BEND6: variants seen among roughly 807,000 people sequenced by gnomAD.
The protein encoded by BEND6 is BEN domain containing 6.
In BEND6, 24 loss-of-function variants were observed where a neutral mutation model predicts 31.8. The observed-to-expected ratio is 0.75, with a 90% CI of 0.55 to 1.06. The LOEUF (loss-of-function observed/expected upper bound fraction) is 1.06. Among genes scored for constraint, BEND6 ranks in the 50% least tolerant of loss-of-function variants. The pLI is 0.00. For synonymous variants in BEND6, 109 were observed against 114.6 expected (o/e 0.95, Z 0.31); for missense variants, 294 against 327.4 (o/e 0.90, Z 0.79).
chr6:57,024,344 A>G (rs1827839860), intron 6 of BEND6, among the ~76,000 whole-genome samples: 1 of 152,282 alleles, frequency 6.6e-6, no homozygotes, highest in South Asian at 2.1e-4. Context: ...GCACATTAGC[A>G]TTTTTGTCTT....
intron 3 of BEND6, among the ~76,000 whole-genome samples, chr6:57,007,700 C>G (rs926363907): frequency 6.6e-6 from 1 of 151,994 alleles, no homozygotes; most frequent in East Asian, 1.9e-4. Context: ...GAGGCTGAGG[C>G]GGGAAGATAG....
intron 1 of BEND6, among the ~76,000 whole-genome samples, chr6:56,973,151 T>C (rs1156468824): frequency 6.6e-6 from 1 of 152,196 alleles, no homozygotes; most frequent in East Asian, 1.9e-4. Context: ...AGACAATCTT[T>C]TCTTTTGACT....
At chr6:56,977,980 T>C (rs1825945101) in intron 1 of BEND6, among the ~76,000 whole-genome samples, 1 of 151,284 alleles carries the variant, frequency 6.6e-6, no homozygotes, top group Non-Finnish European at 1.5e-5. Flanking sequence ...GGGTGTACAA[T>C]TCAACCAAGT....
chr6:56,983,876 G>T (rs1826154373), intron 2 of BEND6, among the ~76,000 whole-genome samples: 1 of 152,000 alleles, frequency 6.6e-6, no homozygotes, highest in Admixed American at 6.6e-5. Context: ...CCAGCATCTT[G>T]CTACCACAAA....
In BEND6 at chr6:57,018,419, A is replaced by C; in HGVS notation, c.713-2A>C. On this transcript the variant is annotated splice_acceptor_variant, in intron 5 of 6. Coordinates refer to ENST00000370746, the MANE Select transcript of BEND6 (RefSeq NM_152731.3). LOFTEE classifies it high-confidence loss of function. ...TCATGTGTCGCTATTGGTTTTTTACAGGAGTAACAAAACAATTATTTCCCA... is the reference window on the plus strand; with the variant it reads ...TCATGTGTCGCTATTGGTTTTTTACCGGAGTAACAAAACAATTATTTCCCA... 6.3e-7 allele frequency: 1 copy of C among 1,581,692 alleles called. No homozygotes were observed. Among genetic ancestry groups the C allele is most frequent in the Non-Finnish European group, 8.5e-7 (1 of 1,170,070 alleles).
intron 2 of BEND6, among the ~76,000 whole-genome samples, chr6:56,986,331 G>A (rs936368684): frequency 5.3e-5 from 8 of 151,960 alleles, no homozygotes; most frequent in Non-Finnish European, 7.4e-5. Context: ...CCAGCTACTC[G>A]GGAGGCTAAG....
intron 4 of BEND6, among the ~76,000 whole-genome samples, chr6:57,015,810 GAAAA>G (rs888955685): frequency 6.4e-5 from 6 of 94,190 alleles, no homozygotes; most frequent in Non-Finnish European, 1.1e-4. Context: ...GACTCCGTCT[GAAAA>G]AAAAAAAAAA....
chr6:57,010,973 A>G (rs551353264), intron 3 of BEND6: 1 of 373,596 alleles, frequency 2.7e-6, no homozygotes, highest in East Asian at 1.6e-4. Flanking sequence ...TAATAAAGCT[A>G]ATACATTCTG....
Position 57,018,503 on chromosome 6 carries a change from G to A in BEND6, c.795G>A (p.Lys265=). The change falls in exon 6 of 7, where the codon AAG becomes AAA. Residue 265 remains lysine, a synonymous_variant. Coordinates refer to ENST00000370746, the MANE Select transcript of BEND6 (RefSeq NM_152731.3). ...MIGQKLNNCT[K]KPNLSKNLNS... Reference sequence around the variant, plus strand: ...GGCAAAAGCTAAACAACTGTACCAAGAAGCCAAATTTAAGCAAAAATCTTA... The same window carrying A: ...GGCAAAAGCTAAACAACTGTACCAAAAAGCCAAATTTAAGCAAAAATCTTA... The A allele has an allele frequency of 6.3e-7, 1 of 1,581,494 alleles. No individual in the cohort carries two copies. The highest frequency in any genetic ancestry group is 8.6e-7 in the Non-Finnish European group (1 of 1,168,682).
chr6:56,967,850 A>G (rs1425464875), intron 1 of BEND6, among the ~76,000 whole-genome samples: 2 of 152,206 alleles, frequency 1.3e-5, no homozygotes, highest in Non-Finnish European at 2.9e-5. Context: ...TGGATTACCA[A>G]CTAGGAGTGG....
intron 1 of BEND6, among the ~76,000 whole-genome samples, chr6:56,961,606 ATT>A (rs1023317406): frequency 1.3e-5 from 2 of 152,258 alleles, no homozygotes; most frequent in African/African-American, 4.8e-5. Context: ...GGATAAGCCC[ATT>A]CCAAGCCAAT....
intron 3 of BEND6, chr6:57,010,849 T>G (rs1827319027): frequency 2.7e-6 from 2 of 744,616 alleles, no homozygotes; most frequent in Admixed American, 1.3e-4. Flanking sequence ...AAAATGAAAA[T>G]TTAAATTATG....
chr6:56,982,970 T>C (rs1263961801), intron 2 of BEND6, among the ~76,000 whole-genome samples: 1 of 152,184 alleles, frequency 6.6e-6, no homozygotes, highest in Non-Finnish European at 1.5e-5. Flanking sequence ...AGCTCCATGT[T>C]ATTGCACTGT....
intron 1 of BEND6, among the ~76,000 whole-genome samples, chr6:56,956,668 C>G (rs1372808985): frequency 6.6e-6 from 1 of 152,240 alleles, no homozygotes; most frequent in Non-Finnish European, 1.5e-5. Flanking sequence ...TGAATGGCAG[C>G]ATGTAGGCTG....
chr6:57,012,074 G>C (rs1248809326), intron 3 of BEND6, among the ~76,000 whole-genome samples: 1 of 152,146 alleles, frequency 6.6e-6, no homozygotes, highest in Non-Finnish European at 1.5e-5. Context: ...GCAGTGAACC[G>C]AGATCATGCC....
chr6:56,958,476 G>C (rs1404166036), intron 1 of BEND6, among the ~76,000 whole-genome samples: 1 of 152,158 alleles, frequency 6.6e-6, no homozygotes, highest in Non-Finnish European at 1.5e-5. Context: ...TAGGGTAGAG[G>C]AATAATTTGG....
At chr6:57,008,961 G>A (rs1244946360) in intron 3 of BEND6, 2 of 152,260 alleles carry the variant, frequency 1.3e-5, no homozygotes, top group Non-Finnish European at 2.9e-5. Context: ...CCATAAAACA[G>A]AATGAAATCC....
At chr6:56,997,460 C>G (rs1270097885) in intron 3 of BEND6, among the ~76,000 whole-genome samples, 1 of 152,152 alleles carries the variant, frequency 6.6e-6, no homozygotes, top group African/African-American at 2.4e-5. Flanking sequence ...ACCCTAGAAA[C>G]GAAGTAGTAA....
intron 3 of BEND6, among the ~76,000 whole-genome samples, chr6:57,006,645 T>C (rs1032279618): frequency 6.6e-6 from 1 of 152,226 alleles, no homozygotes; most frequent in Admixed American, 6.5e-5. Context: ...ATTTTGTCTT[T>C]AAAAAGTTAT....
Sources: allele counts gnomAD v4.1 joint callset (sites outside exome capture counted in the v4.1 genomes callset), GRCh38; gene constraint gnomAD v4.1.1; transcripts MANE v1.5; gene names NCBI Gene and HGNC (gene_info 2026-07-23, HGNC 2026-07-21).